OLFM3: variants seen among roughly 807,000 people sequenced by gnomAD.
OLFM3 encodes noelin-3.
In OLFM3, 20 loss-of-function variants were observed where a neutral mutation model predicts 48.6. The ratio of observed to expected loss-of-function variants is 0.41; its 90% confidence interval spans 0.29 to 0.60. The LOEUF is 0.60. Ranked by LOEUF, OLFM3 falls within the 20% of genes least tolerant of loss-of-function variation. The pLI, the probability that OLFM3 is intolerant of heterozygous loss-of-function variation, is 0.28. For missense variants in OLFM3, 437 were observed against 544.3 expected (o/e 0.80, Z 1.96); for synonymous variants, 222 against 198.1 (o/e 1.12, Z -1.01).
intron 4 of OLFM3, among the ~76,000 whole-genome samples, chr1:101,823,520 G>A (rs939535037): frequency 4.6e-5 from 7 of 152,016 alleles, no homozygotes; most frequent in Admixed American, 2.6e-4. Context: ...CTTAGTGTGT[G>A]AGGAGAGAAG....
At chr1:101,824,066 T>C (rs1213068805) in intron 4 of OLFM3, among the ~76,000 whole-genome samples, 1 of 152,182 alleles carries the variant, frequency 6.6e-6, no homozygotes, top group African/African-American at 2.4e-5. Context: ...AATGTTTACA[T>C]TTATTCACTG....
chr1:101,936,605 A>C (rs1451881647), intron 1 of OLFM3, among the ~76,000 whole-genome samples: 1 of 152,182 alleles, frequency 6.6e-6, no homozygotes, highest in Non-Finnish European at 1.5e-5. Flanking sequence ...AGAAAAAATG[A>C]TTTTAAAGTT....
intron 4 of OLFM3, among the ~76,000 whole-genome samples, chr1:101,814,265 G>GAT (rs1654220215): frequency 7.1e-6 from 1 of 141,446 alleles, no homozygotes. Flanking sequence ...ACCCAGCTAA[G>GAT]GTTTTTTTTT....
At chr1:101,875,436 G>A (rs1267457569) in intron 1 of OLFM3, among the ~76,000 whole-genome samples, 3 of 151,900 alleles carry the variant, frequency 2.0e-5, no homozygotes, top group Non-Finnish European at 4.4e-5. Context: ...CCATCTTAAT[G>A]CAAGATGTAA....
chr1:101,990,578 C>G (rs1661370224), intron 1 of OLFM3, among the ~76,000 whole-genome samples: 1 of 152,156 alleles, frequency 6.6e-6, no homozygotes, highest in African/African-American at 2.4e-5. Context: ...ACTGTTAGAG[C>G]TGAAAGCCAC....
intron 1 of OLFM3, among the ~76,000 whole-genome samples, chr1:101,969,314 A>AT (rs36019509): frequency 0.46 from 65,669 of 141,296 alleles, 15,678 homozygotes; most frequent in Non-Finnish European, 0.52. Flanking sequence ...ACGCCTGGCT[A>AT]TTTTTTTTTT....
intron 1 of OLFM3, among the ~76,000 whole-genome samples, chr1:101,928,914 T>C (rs963426336): frequency 6.6e-6 from 1 of 152,172 alleles, no homozygotes. Context: ...GGATGTTTGA[T>C]GCTGTGGCTG....
intron 1 of OLFM3, among the ~76,000 whole-genome samples, chr1:101,991,016 A>AAATATATATAT (rs1553186119): frequency 5.3e-4 from 17 of 32,206 alleles, no homozygotes; most frequent in Non-Finnish European, 6.8e-4. Context: ...AAAAAAAAAA[A>AAATATATATAT]ATATATATAT....
At chr1:101,808,671 C>T (rs992647994) in intron 4 of OLFM3, among the ~76,000 whole-genome samples, 8 of 151,908 alleles carry the variant, frequency 5.3e-5, no homozygotes, top group Middle Eastern at 6.8e-3. Context: ...AAGAAAGCCT[C>T]CTACACAATG....
chr1:101,919,259 T>A (rs1659019662), intron 1 of OLFM3, among the ~76,000 whole-genome samples: 1 of 152,182 alleles, frequency 6.6e-6, no homozygotes. Flanking sequence ...CACATATCCC[T>A]CTATTATCCC....
chr1:101,933,723 G>A (rs558546434), intron 1 of OLFM3, among the ~76,000 whole-genome samples: 2 of 152,132 alleles, frequency 1.3e-5, no homozygotes, highest in East Asian at 1.9e-4. Flanking sequence ...AGAAGGGGCA[G>A]GTCACCTACA....
intron 1 of OLFM3, among the ~76,000 whole-genome samples, chr1:101,980,460 G>C (rs928725136): frequency 6.6e-6 from 1 of 152,128 alleles, no homozygotes; most frequent in Non-Finnish European, 1.5e-5. Flanking sequence ...GAGTTCTCAT[G>C]AGATTTGATG....
At chr1:101,807,162 T>A (rs1384426206) in intron 4 of OLFM3, among the ~76,000 whole-genome samples, 1 of 151,792 alleles carries the variant, frequency 6.6e-6, no homozygotes, top group African/African-American at 2.4e-5. Flanking sequence ...TGCAGGTTTC[T>A]TACATGGGTA....
At chr1:101,854,685 T>C (rs1656348652) in intron 1 of OLFM3, among the ~76,000 whole-genome samples, 1 of 152,014 alleles carries the variant, frequency 6.6e-6, no homozygotes, top group South Asian at 2.1e-4. Context: ...GAAATAAAGA[T>C]ATTAAACAAA....
intron 4 of OLFM3, among the ~76,000 whole-genome samples, chr1:101,807,384 G>A (rs1048157407): frequency 6.6e-6 from 1 of 151,336 alleles, no homozygotes; most frequent in African/African-American, 2.4e-5. Flanking sequence ...AACTCTTTTG[G>A]GTCCTACTTG....
chr1:101,991,067 G>C (rs1661396129), intron 1 of OLFM3, among the ~76,000 whole-genome samples: 1 of 131,330 alleles, frequency 7.6e-6, no homozygotes, highest in African/African-American at 2.9e-5. Context: ...TTGGTAAGTG[G>C]GCATAGACTG....
At chr1:101,838,017 T>TA (rs1211807228) in intron 1 of OLFM3, 11 of 152,280 alleles carry the variant, frequency 7.2e-5, no homozygotes, top group African/African-American at 1.7e-4. Context: ...CTATTTTTTT[T>TA]TATATATAGA....
chr1:101,958,046 A>G (rs1320261727), intron 1 of OLFM3, among the ~76,000 whole-genome samples: 1 of 152,024 alleles, frequency 6.6e-6, no homozygotes, highest in African/African-American at 2.4e-5. Context: ...CTGCATTCTG[A>G]AGACATTGGC....
intron 4 of OLFM3, among the ~76,000 whole-genome samples, chr1:101,813,976 C>G (rs963857324): frequency 1.3e-5 from 2 of 152,288 alleles, no homozygotes; most frequent in Non-Finnish European, 2.9e-5. Flanking sequence ...CAAAGCAATA[C>G]ACTTGCTTAA....
Sources: allele counts gnomAD v4.1 joint callset (sites outside exome capture counted in the v4.1 genomes callset), GRCh38; gene constraint gnomAD v4.1.1; transcripts MANE v1.5; gene names NCBI Gene and HGNC (gene_info 2026-07-23, HGNC 2026-07-21).